CTNNA2: variants seen among roughly 807,000 people sequenced by gnomAD.
The protein encoded by CTNNA2 is catenin alpha 2.
In CTNNA2, 42 loss-of-function variants were observed where a neutral mutation model predicts 101.0. The observed-to-expected ratio is 0.42, with a 90% CI of 0.32 to 0.54. CTNNA2 has a LOEUF of 0.54. Ranked by LOEUF, CTNNA2 falls within the 20% of genes least tolerant of loss-of-function variation. The probability of loss-of-function intolerance (pLI) is 0.14; values close to 1 mark genes in which losing one functional copy is unlikely to be tolerated. For synonymous variants in CTNNA2, 450 were observed against 456.4 expected, an observed-to-expected ratio of 0.99 and a Z score of 0.18; for missense variants, 871 against 1,223.1, an observed-to-expected ratio of 0.71 and a Z score of 4.29.
intron 1 of CTNNA2, among the ~76,000 whole-genome samples, chr2:79,591,503 T>C (rs1385331160): frequency 6.6e-6 from 1 of 152,218 alleles, no homozygotes; most frequent in African/African-American, 2.4e-5. Context: ...ATAAGATTCA[T>C]GTTTAATTCT....
At chr2:79,287,290 G>A (rs1025362712) in intron 2 of CTNNA2, among the ~76,000 whole-genome samples, 8 of 152,202 alleles carry the variant, frequency 5.3e-5, no homozygotes, top group Non-Finnish European at 8.8e-5. Flanking sequence ...TTGTTCCGTT[G>A]CTGGTGAGGA....
chr2:79,723,029 G>A (rs1034328151), intron 2 of CTNNA2, among the ~76,000 whole-genome samples: 5 of 152,150 alleles, frequency 3.3e-5, no homozygotes, highest in African/African-American at 9.7e-5. Flanking sequence ...AAATAAGAAA[G>A]CGAAAGAGTA....
chr2:79,770,029 T>C (rs1369643006), intron 3 of CTNNA2, among the ~76,000 whole-genome samples: 3 of 152,206 alleles, frequency 2.0e-5, no homozygotes, highest in Non-Finnish European at 4.4e-5. Flanking sequence ...AGCATGAATC[T>C]AGAACAGTGA....
At chr2:79,512,627 G>C (rs1449219235), upstream of CTNNA2, among the ~76,000 whole-genome samples, 1 of 137,218 alleles carries the variant, frequency 7.3e-6, no homozygotes, top group Non-Finnish European at 1.5e-5. Flanking sequence ...TCGCGACTCC[G>C]GCGATTCAGC....
intron 7 of CTNNA2, among the ~76,000 whole-genome samples, chr2:80,337,984 GT>G (rs1484967602): frequency 6.6e-6 from 1 of 151,300 alleles, no homozygotes; most frequent in African/African-American, 2.4e-5. Context: ...AGGGAATGTA[GT>G]TTACTTTTCT....
At chr2:79,908,186 GTAGTAGGCATA>G (rs1685552265) in intron 6 of CTNNA2, among the ~76,000 whole-genome samples, 2 of 152,162 alleles carry the variant, frequency 1.3e-5, no homozygotes. Flanking sequence ...ATTAAGTACA[GTAGTAGGCATA>G]TAGTAGGTCT....
intron 4 of CTNNA2, among the ~76,000 whole-genome samples, chr2:79,421,576 C>A (rs931445571): frequency 1.3e-5 from 2 of 152,142 alleles, no homozygotes; most frequent in African/African-American, 4.8e-5. Flanking sequence ...GAACTAACGA[C>A]TGCTGATCTC....
chr2:79,695,723 G>A (rs905634743), intron 2 of CTNNA2, among the ~76,000 whole-genome samples: 14 of 152,072 alleles, frequency 9.2e-5, no homozygotes, highest in South Asian at 2.1e-4. Context: ...TGCTGGTTTC[G>A]TTTTAGCCCT....
At chr2:79,613,507 T>G (rs1009543056) in intron 1 of CTNNA2, among the ~76,000 whole-genome samples, 1 of 152,168 alleles carries the variant, frequency 6.6e-6, no homozygotes, top group Non-Finnish European at 1.5e-5. Flanking sequence ...ACAGACTTCC[T>G]GTGTTTGCTT....
chr2:80,393,391 T>G, intron 8 of CTNNA2, 100 bp downstream of exon 8: 1 of 832,632 alleles, frequency 1.2e-6, no homozygotes, highest in Non-Finnish European at 1.9e-6. Context: ...AATGAGGTTG[T>G]TATTCTTTAT....
intron 2 of CTNNA2, among the ~76,000 whole-genome samples, chr2:79,221,518 A>G (rs1382135033): frequency 6.6e-6 from 1 of 152,162 alleles, no homozygotes; most frequent in Non-Finnish European, 1.5e-5. Context: ...ACAGTTTATT[A>G]TGGTGATATT....
intron 4 of CTNNA2, among the ~76,000 whole-genome samples, chr2:79,416,257 CTTTTTTTTTTT>C (rs66830925): frequency 2.1e-5 from 2 of 94,614 alleles, no homozygotes; most frequent in Admixed American, 1.2e-4. Flanking sequence ...CTTTCCTTTT[CTTTTTTTTTTT>C]TTTTTTTTTT....
intron 1 of CTNNA2, among the ~76,000 whole-genome samples, chr2:79,590,166 C>T (rs1676754792): frequency 6.6e-6 from 1 of 152,282 alleles, no homozygotes. Flanking sequence ...CCTGCTGTGA[C>T]TGCTCCTTTG....
rs372924495 is a variant in CTNNA2, at chr2:79,818,821, TTATATATATATATATA to T, written c.299-39180_299-39165del. Among the ~76,000 whole-genome samples the T allele has an allele frequency of 1.1e-3, 81 of 74,262 alleles. 5 individuals carry two copies. Among genetic ancestry groups the T allele is most frequent in the African/African-American group, 5.8e-3 (79 of 13,606 alleles). 48.7% of individuals were successfully genotyped at this position (74,262 alleles called of 152,430 possible). On this transcript the variant is annotated intron_variant, in intron 3 of 18. Coordinates refer to ENST00000402739, the MANE Select transcript of CTNNA2 (RefSeq NM_001282597.3). Reference sequence around the variant, plus strand: ...ATATACTTCAGGATCCAAAATGCAATTATATATATATATATATATATATATATGGATGTATGTGTAT... The same window carrying T: ...ATATACTTCAGGATCCAAAATGCAATTATATATATATGGATGTATGTGTAT...
chr2:79,519,055 C>G (rs955223228), intron 1 of CTNNA2, among the ~76,000 whole-genome samples: 2 of 151,880 alleles, frequency 1.3e-5, no homozygotes, highest in East Asian at 3.9e-4. Flanking sequence ...ATGATGAAAC[C>G]CTGTCTCTAC....
At chr2:79,292,503 A>G (rs186232351) in intron 2 of CTNNA2, among the ~76,000 whole-genome samples, 4 of 152,302 alleles carry the variant, frequency 2.6e-5, no homozygotes, top group Non-Finnish European at 4.4e-5. Flanking sequence ...CTGTAATGCT[A>G]GTTCTCTAAG....
intron 6 of CTNNA2, among the ~76,000 whole-genome samples, chr2:79,878,214 C>T (rs1390162619): frequency 6.6e-6 from 1 of 152,184 alleles, no homozygotes; most frequent in East Asian, 1.9e-4. Context: ...TCCAGTCTAT[C>T]ATTGGTGGGC....
chr2:79,193,208 T>C (rs1673897584), intron 1 of CTNNA2, among the ~76,000 whole-genome samples: 1 of 152,196 alleles, frequency 6.6e-6, no homozygotes, highest in Non-Finnish European at 1.5e-5. Context: ...TTCATTCTAC[T>C]TGGGTGGAAA....
chr2:79,494,198 C>T (rs57753397), intron 4 of CTNNA2, among the ~76,000 whole-genome samples: 2,705 of 151,828 alleles, frequency 0.018, 87 homozygotes, highest in African/African-American at 0.062. Flanking sequence ...GTTAAGATAT[C>T]TCATGTTCAT....
Sources: allele counts gnomAD v4.1 joint callset (sites outside exome capture counted in the v4.1 genomes callset), GRCh38; gene constraint gnomAD v4.1.1; transcripts MANE v1.5; gene names NCBI Gene and HGNC (gene_info 2026-07-23, HGNC 2026-07-21).